XKR4: variants seen among roughly 807,000 people sequenced by gnomAD.
XKR4 encodes the protein XK-related protein 4.
In XKR4, 12 loss-of-function variants were observed where a neutral mutation model predicts 53.9. The ratio of observed to expected loss-of-function variants is 0.22; its 90% CI spans 0.14 to 0.36. The LOEUF (loss-of-function observed/expected upper bound fraction) is 0.36. Among genes scored for constraint, XKR4 ranks in the 10% least tolerant of loss-of-function variants. The pLI is 1.00. For missense variants in XKR4, 799 were observed against 859.5 expected (o/e 0.93, Z 0.88); for synonymous variants, 354 against 362.4 (o/e 0.98, Z 0.26).
intron 2 of XKR4, among the ~76,000 whole-genome samples, chr8:55,429,066 T>A (rs904086036): frequency 2.6e-5 from 4 of 152,142 alleles, no homozygotes; most frequent in Non-Finnish European, 4.4e-5. Flanking sequence ...GACACATAGA[T>A]CAATGGAACT....
Position 55,476,189 on chromosome 8 carries a change from T to C in XKR4, c.1007-47092T>C, listed in dbSNP as rs115814444. On this transcript the variant is annotated intron_variant, in intron 2 of 2. Transcript: ENST00000327381. Reference sequence around the variant, plus strand: ...TTCACAGTTCTCCCAAGGATAGAGTTAGTCTAAGGACCCCAACATGAGGCC... The same window carrying C: ...TTCACAGTTCTCCCAAGGATAGAGTCAGTCTAAGGACCCCAACATGAGGCC... Among the ~76,000 whole-genome samples the C allele has an allele frequency of 4.7e-3, 722 of 152,150 alleles. 9 individuals are homozygous for C. Among genetic ancestry groups the C allele is most frequent in the African/African-American group, 0.017 (697 of 41,448 alleles).
chr8:55,112,378 C>T lies in XKR4; in HGVS notation c.806+9084C>T, dbSNP rs576476486. ...TATAGGGAACACCACTTGAAAAAGA[C>T]TTGAGATGACTGGTTTGACTTCCCC... On this transcript the variant is annotated intron_variant, in intron 1 of 2. Coordinates refer to ENST00000327381, the MANE Select transcript of XKR4 (RefSeq NM_052898.2). 4.2e-4 allele frequency among the ~76,000 whole-genome samples: 64 copies of T among 152,118 alleles called. 2 individuals are homozygous for T. The highest frequency in any genetic ancestry group is 4.1e-3 in the Admixed American group (63 of 15,278).
At chr8:55,262,227 G>A (rs1157134313) in intron 1 of XKR4, among the ~76,000 whole-genome samples, 1 of 152,198 alleles carries the variant, frequency 6.6e-6, no homozygotes, top group Non-Finnish European at 1.5e-5. Context: ...AGTACCTTCT[G>A]TGAACTAGTT....
At chr8:55,351,023 G>C (rs906975900) in intron 1 of XKR4, among the ~76,000 whole-genome samples, 1 of 152,144 alleles carries the variant, frequency 6.6e-6, no homozygotes, top group Non-Finnish European at 1.5e-5. Context: ...TTACAGGCAT[G>C]AGCCACCATG....
chr8:55,314,911 G>A (rs1819449583), intron 1 of XKR4, among the ~76,000 whole-genome samples: 1 of 152,186 alleles, frequency 6.6e-6, no homozygotes, highest in African/African-American at 2.4e-5. Context: ...AGGTCCACAT[G>A]GAATGTGTAT....
At chr8:55,452,701 T>C (rs758897971) in intron 2 of XKR4, 14 of 1,254,182 alleles carry the variant, frequency 1.1e-5, no homozygotes, top group Non-Finnish European at 1.3e-5. Flanking sequence ...AAGCGGTTGA[T>C]GAAGTGGACC....
At chr8:55,203,435 G>C (rs16921382) in intron 1 of XKR4, among the ~76,000 whole-genome samples, 5,331 of 152,286 alleles carry the variant, frequency 0.035, 330 homozygotes, top group African/African-American at 0.12. Context: ...TGTTTCCCAA[G>C]TTCCCTGAAG....
At chr8:55,121,726 T>G (rs1372692032) in intron 1 of XKR4, among the ~76,000 whole-genome samples, 1 of 152,140 alleles carries the variant, frequency 6.6e-6, no homozygotes, top group East Asian at 1.9e-4. Flanking sequence ...AATTAGTGAT[T>G]TTTGTGGGTT....
rs112638285 is a variant in XKR4 at position 55,300,199 on chromosome 8, C to G, written c.807-57479C>G. 3.5e-3 allele frequency among the ~76,000 whole-genome samples: 530 copies of G among 152,046 alleles called. 2 individuals carry two copies. Among genetic ancestry groups the G allele is most frequent in the African/African-American group, 0.012 (509 of 41,466 alleles). On this transcript the variant is annotated intron_variant, in intron 1 of 2. Coordinates refer to ENST00000327381, the MANE Select transcript of XKR4 (RefSeq NM_052898.2). ...GCATTGACATTATTGATAAGGGAGT[C>G]GCTGAAATGATGGATGACAGACTCT...
chr8:55,232,682 T>TA (rs1818060357), intron 1 of XKR4, among the ~76,000 whole-genome samples: 1 of 152,286 alleles, frequency 6.6e-6, no homozygotes, highest in South Asian at 2.1e-4. Flanking sequence ...ATGAGCTAAA[T>TA]AAAAAATAAC....
chr8:55,276,612 T>C (rs1818767225), intron 1 of XKR4, among the ~76,000 whole-genome samples: 1 of 152,228 alleles, frequency 6.6e-6, no homozygotes, highest in South Asian at 2.1e-4. Context: ...TATCATTCCT[T>C]AGAACCCCAC....
intron 1 of XKR4, among the ~76,000 whole-genome samples, chr8:55,230,964 T>A (rs2129366872): frequency 6.6e-6 from 1 of 152,256 alleles, no homozygotes; most frequent in East Asian, 1.9e-4. Flanking sequence ...AGCTGCTCAG[T>A]CTGATTGTGT....
rs372419109 is a variant in XKR4, at chr8:55,480,894, A to C, written c.1007-42387A>C. Among the ~76,000 whole-genome samples, 67 of 152,294 alleles carry C rather than the reference A, an allele frequency of 4.4e-4. 1 individual carries two copies. In the East Asian group the frequency reaches 0.012, roughly 27 times the overall value. ...CTACAAACCACTGCTCTATGAAATA[A>C]AAGAGGATACAAAGAAATGGAAGAA... On this transcript the variant is annotated intron_variant, in intron 2 of 2. Transcript: ENST00000327381.
intron 1 of XKR4, among the ~76,000 whole-genome samples, chr8:55,120,790 A>G (rs1816380375): frequency 6.6e-6 from 1 of 152,308 alleles, no homozygotes. Context: ...AAATACTTGT[A>G]TGATGACATG....
chr8:55,262,592 G>A (rs564462021), intron 1 of XKR4, among the ~76,000 whole-genome samples: 5 of 152,354 alleles, frequency 3.3e-5, no homozygotes, highest in Non-Finnish European at 7.3e-5. Context: ...GGGACATAGT[G>A]AGAAGACAAC....
chr8:55,412,126 G>T (rs1219627960), intron 2 of XKR4, among the ~76,000 whole-genome samples: 1 of 152,162 alleles, frequency 6.6e-6, no homozygotes, highest in Admixed American at 6.5e-5. Context: ...TTTCCATGGG[G>T]TCCTGGAGAG....
At position 55,188,429 on chromosome 8, in the gene XKR4, C is replaced by T. The variant is rs537227948; in HGVS notation, c.806+85135C>T. Among the ~76,000 whole-genome samples the T allele has an allele frequency of 2.0e-5, 3 of 152,214 alleles. No individual in the cohort carries two copies. In the East Asian group the frequency reaches 5.8e-4, roughly 29 times the overall value. ...GGTCTTATAATAATCCACAATTTGT[C>T]CAAAGTAATCCTTAGTCATTAAAAG... On this transcript the variant is annotated intron_variant, in intron 1 of 2. Transcript: ENST00000327381.
chr8:55,117,772 C>T (rs1816331314), intron 1 of XKR4, among the ~76,000 whole-genome samples: 1 of 152,150 alleles, frequency 6.6e-6, no homozygotes, highest in Non-Finnish European at 1.5e-5. Flanking sequence ...CCAAGACTCA[C>T]CTGGAGAAGC....
chr8:55,338,759 C>T (rs949813963), intron 1 of XKR4, among the ~76,000 whole-genome samples: 2 of 152,178 alleles, frequency 1.3e-5, no homozygotes, highest in African/African-American at 4.8e-5. Flanking sequence ...AAGCCTGAAG[C>T]TCCTCAACCA....
Sources: gnomAD v4.1 joint callset for allele counts (sites outside exome capture counted in the v4.1 genomes callset) on GRCh38, gnomAD v4.1.1 for gene constraint, MANE v1.5 for transcripts, NCBI Gene and HGNC (gene_info 2026-07-23, HGNC 2026-07-21) for gene names.